Variants in SLC7A7 observed in about 807,000 individuals in gnomAD.
SLC7A7 encodes the protein solute carrier family 7 member 7.
In SLC7A7, 39 loss-of-function variants were observed where a neutral mutation model predicts 47.9. The ratio of observed to expected loss-of-function variants is 0.81; its 90% CI spans 0.63 to 1.06. SLC7A7 has a LOEUF of 1.06. SLC7A7 is among the 50% of genes least tolerant of loss of function. The probability of loss-of-function intolerance (pLI) is 0.00; values close to 1 mark genes in which losing one functional copy is unlikely to be tolerated. For synonymous variants in SLC7A7, 234 were observed against 242.8 expected (o/e 0.96, Z 0.34); for missense variants, 588 against 632.0 (o/e 0.93, Z 0.75).
intron 7 of SLC7A7, 51 bp downstream of exon 7, chr14:22,775,393 T>C: frequency 7.0e-7 from 1 of 1,433,264 alleles, no homozygotes. Flanking sequence ...CTGCTGTTAC[T>C]AAAGTTTCCC....
upstream of SLC7A7, among the ~76,000 whole-genome samples, chr14:22,817,855 A>C (rs2039427972): frequency 2.6e-5 from 4 of 152,166 alleles, no homozygotes; most frequent in Admixed American, 2.6e-4. Flanking sequence ...AAAAAGAAAG[A>C]AAGCCTCTGT....
chr14:22,787,585 T>C (rs964585345), intron 2 of SLC7A7, among the ~76,000 whole-genome samples: 1 of 147,576 alleles, frequency 6.8e-6, no homozygotes, highest in Non-Finnish European at 1.5e-5. Flanking sequence ...ACCCCATCTC[T>C]ACTAAAAGGA....
Position 22,815,338 on chromosome 14 carries a change from A to C in SLC7A7, c.-61T>G. The C allele has an allele frequency of 2.2e-6, 1 of 454,526 alleles. No homozygotes were observed. The highest frequency in any genetic ancestry group is 4.4e-6 in the Non-Finnish European group (1 of 226,756). 28.2% of individuals were successfully genotyped at this position (454,526 alleles called of 1,614,324 possible). A position where few individuals can be genotyped will look rare whatever the true frequency, so the allele number is the denominator to read the frequency against. On this transcript the variant is annotated 5_prime_UTR_variant, in exon 1 of 10. Coordinates refer to ENST00000674313, the MANE Select transcript of SLC7A7 (RefSeq NM_003982.4). ...CACTCACTCCTTGGTCCTGGATATA[A>C]GCAGGTTCTCACGGCAGTGTGAGCA...
rs538641810 is a variant in SLC7A7 at position 22,785,108 on chromosome 14, G to A, written c.500-5057C>T. Among the ~76,000 whole-genome samples the A allele has an allele frequency of 5.3e-5, 8 of 152,032 alleles. No individual in the cohort carries two copies. In the East Asian group the frequency reaches 5.8e-4, roughly 11 times the overall value. ...AGTCTGGCCACCATGGCGAAACCCC[G>A]TCTCTACTAAAAATATAAATATTAG... On this transcript the variant is annotated intron_variant, in intron 2 of 9. Coordinates refer to ENST00000674313, the MANE Select transcript of SLC7A7 (RefSeq NM_003982.4).
intron 2 of SLC7A7, among the ~76,000 whole-genome samples, chr14:22,780,811 A>G (rs1467722163): frequency 6.6e-6 from 1 of 152,206 alleles, no homozygotes; most frequent in African/African-American, 2.4e-5. Context: ...GTCCATATGA[A>G]TACAGACATA....
At chr14:22,812,164 T>C (rs1002319364) in intron 2 of SLC7A7, among the ~76,000 whole-genome samples, 77 of 152,058 alleles carry the variant, frequency 5.1e-4, no homozygotes, top group Non-Finnish European at 9.0e-4. Flanking sequence ...ACACCTCTTT[T>C]TTTTTTATTT....
chr14:22,786,418 G>C (rs546801052), intron 2 of SLC7A7, among the ~76,000 whole-genome samples: 1 of 152,114 alleles, frequency 6.6e-6, no homozygotes, highest in Non-Finnish European at 1.5e-5. Flanking sequence ...GTGGCTTCCA[G>C]ACCCCTCACC....
intron 3 of SLC7A7, 23 bp downstream of exon 3, chr14:22,779,903 T>C: frequency 6.2e-7 from 1 of 1,612,764 alleles, no homozygotes; most frequent in Admixed American, 1.7e-5. Flanking sequence ...AAAAGATTAG[T>C]TGCTACTAAT....
intron 2 of SLC7A7, among the ~76,000 whole-genome samples, chr14:22,788,051 T>A (rs538331943): frequency 6.6e-6 from 1 of 151,774 alleles, no homozygotes; most frequent in Non-Finnish European, 1.5e-5. Context: ...CCAGCCTGGG[T>A]GACAGAGCGA....
chr14:22,804,609 A>G (rs1307209883), intron 2 of SLC7A7, among the ~76,000 whole-genome samples: 1 of 152,250 alleles, frequency 6.6e-6, no homozygotes, highest in Non-Finnish European at 1.5e-5. Flanking sequence ...AAACATGAAA[A>G]AAAGCTCAAC....
chr14:22,818,495 C>T (rs1434576153), upstream of SLC7A7, among the ~76,000 whole-genome samples: 2 of 152,030 alleles, frequency 1.3e-5, no homozygotes, highest in African/African-American at 4.8e-5. Context: ...AATGCTTCCA[C>T]CATTCAGGCA....
At chr14:22,808,120 C>T (rs940543780) in intron 2 of SLC7A7, among the ~76,000 whole-genome samples, 3 of 151,340 alleles carry the variant, frequency 2.0e-5, no homozygotes, top group Non-Finnish European at 2.9e-5. Flanking sequence ...GGCGAGATCA[C>T]ACCACTGCAC....
intron 5 of SLC7A7, 41 bp from the exon 6 acceptor site, chr14:22,775,977 AG>A: frequency 6.5e-7 from 1 of 1,532,354 alleles, no homozygotes; most frequent in Non-Finnish European, 9.0e-7. Flanking sequence ...AGGATCTAAA[AG>A]GGATGAAAGA....
In SLC7A7 at chr14:22,810,012, C is replaced by A. The variant is rs1261098365; in HGVS notation, c.499+2888G>T. 4.7e-5 allele frequency among the ~76,000 whole-genome samples: 6 copies of A among 127,730 alleles called. No homozygotes were observed. The Admixed American group carries it at 5.6e-4, about 12-fold the overall frequency. The allele number at this position is 127,730 out of a possible 152,430, so 83.8% of individuals were successfully genotyped here. ...TGAGATCGCACCATTGCACTCCAGC[C>A]TGGGCAACAAGAGGGAAACACTGTC... On this transcript the variant is annotated intron_variant, in intron 2 of 9. Transcript: ENST00000674313.
upstream of SLC7A7, among the ~76,000 whole-genome samples, chr14:22,819,115 G>A (rs1477246130): frequency 2.0e-5 from 3 of 152,046 alleles, no homozygotes; most frequent in East Asian, 1.9e-4. Context: ...CCTCACCCTC[G>A]AATGACAACA....
chr14:22,783,404 C>CTTT (rs869031856), intron 2 of SLC7A7, among the ~76,000 whole-genome samples: 1 of 137,408 alleles, frequency 7.3e-6, no homozygotes, highest in Non-Finnish European at 1.6e-5. Context: ...TTCTCTACTT[C>CTTT]TTTTTTTTTT....
At chr14:22,818,738 T>C (rs953704432), upstream of SLC7A7, among the ~76,000 whole-genome samples, 2 of 151,824 alleles carry the variant, frequency 1.3e-5, no homozygotes, top group Admixed American at 1.3e-4. Context: ...GGATTACAGG[T>C]GCCCGCCACC....
At chr14:22,798,350 C>T (rs539860837) in intron 2 of SLC7A7, among the ~76,000 whole-genome samples, 1 of 152,072 alleles carries the variant, frequency 6.6e-6, no homozygotes, top group Admixed American at 6.6e-5. Flanking sequence ...AGAAGGAGAA[C>T]AAGAGGAAAC....
rs139504150 is a variant in SLC7A7, at chr14:22,774,245, C to T, written c.1245+109G>A. ...ACCTTTAATTTCAACACATTACTAACGACCAAGTCCCAGGCAAAGGTTTCT... is the reference window on the plus strand; with the variant it reads ...ACCTTTAATTTCAACACATTACTAATGACCAAGTCCCAGGCAAAGGTTTCT... On this transcript the variant is annotated intron_variant, in intron 8 of 9. Transcript: ENST00000674313. 1.7e-4 allele frequency: 277 copies of T among 1,595,286 alleles called. 1 individual carries two copies. In the East Asian group the frequency reaches 4.8e-3, roughly 28 times the overall value.
Sources: gnomAD v4.1 joint callset for allele counts (sites outside exome capture counted in the v4.1 genomes callset) on GRCh38, gnomAD v4.1.1 for gene constraint, MANE v1.5 for transcripts, NCBI Gene and HGNC (gene_info 2026-07-23, HGNC 2026-07-21) for gene names.